UNC13C: variants seen among roughly 807,000 people sequenced by gnomAD.
The protein encoded by UNC13C is unc-13 homolog C.
Under a neutral mutation model 245.4 loss-of-function variants are expected in UNC13C, and 174 were observed. The ratio of observed to expected loss-of-function variants is 0.71; its 90% CI spans 0.63 to 0.80. The LOEUF (loss-of-function observed/expected upper bound fraction) is 0.80. Ranked by LOEUF, UNC13C falls within the 30% of genes least tolerant of loss-of-function variation. The pLI is 0.00. For synonymous variants in UNC13C, 992 were observed against 895.1 expected, an observed-to-expected ratio of 1.11 and a Z score of -1.93; for missense variants, 2,829 against 2,602.9, an observed-to-expected ratio of 1.09 and a Z score of -1.89.
intron 19 of UNC13C, among the ~76,000 whole-genome samples, chr15:54,455,165 C>CTCTCTCTCTCTCTCTCTCTCTA (rs1567288676): frequency 5.1e-3 from 53 of 10,296 alleles, no homozygotes; most frequent in Non-Finnish European, 7.7e-3. Flanking sequence ...AGTCATATTC[C>CTCTCTCTCTCTCTCTCTCTCTA]TCTCTCTCTC....
At chr15:54,101,583 TC>T (rs1172989970) in intron 2 of UNC13C, among the ~76,000 whole-genome samples, 2 of 150,886 alleles carry the variant, frequency 1.3e-5, no homozygotes, top group African/African-American at 4.9e-5. Flanking sequence ...CTCATTATCC[TC>T]CCCCTTTTTT....
At chr15:54,075,404 G>A (rs1461506313) in intron 2 of UNC13C, among the ~76,000 whole-genome samples, 2 of 150,886 alleles carry the variant, frequency 1.3e-5, no homozygotes, top group African/African-American at 4.9e-5. Flanking sequence ...AGAATGGCGT[G>A]AACCTGAAGG....
chr15:54,539,706 A>G lies in UNC13C; in HGVS notation c.5696+6640A>G, dbSNP rs1268430559. ...TTATTAGCAAAACTATTTGCTTTCT[A>G]TGTCCTGTGGCCAAGGTTGTGGAAC... On this transcript the variant is annotated intron_variant, in intron 26 of 32. Coordinates refer to ENST00000260323, the MANE Select transcript of UNC13C (RefSeq NM_001080534.3). Among the ~76,000 whole-genome samples the G allele has an allele frequency of 3.3e-5, 5 of 152,160 alleles. No individual in the cohort carries two copies. The East Asian group carries it at 7.7e-4, about 23-fold the overall frequency.
intron 4 of UNC13C, among the ~76,000 whole-genome samples, chr15:54,219,426 T>C (rs1192944769): frequency 1.3e-5 from 2 of 152,136 alleles, no homozygotes; most frequent in Non-Finnish European, 2.9e-5. Context: ...ATCCCTTTCT[T>C]ACACCTTCTA....
Position 54,332,171 on chromosome 15 carries a change from C to T in UNC13C, c.4494+60C>T, listed in dbSNP as rs543449509. 16 of 1,226,714 alleles carry T rather than the reference C, an allele frequency of 1.3e-5. No homozygotes were observed. In the Admixed American group the frequency reaches 4.4e-4, roughly 34 times the overall value. The allele number at this position is 1,226,714 out of a possible 1,614,324, so 76.0% of individuals were successfully genotyped here. On this transcript the variant is annotated intron_variant, in intron 15 of 32. Coordinates refer to ENST00000260323, the MANE Select transcript of UNC13C (RefSeq NM_001080534.3). Reference sequence around the variant, plus strand: ...TTGTTTGGTCTAGAGAATTTCTTGCCATATTGTAAAAATTACCCATCATGT... The same window carrying T: ...TTGTTTGGTCTAGAGAATTTCTTGCTATATTGTAAAAATTACCCATCATGT...
At chr15:54,010,860 G>C (rs1895352473) in intron 1 of UNC13C, among the ~76,000 whole-genome samples, 1 of 152,028 alleles carries the variant, frequency 6.6e-6, no homozygotes, top group African/African-American at 2.4e-5. Context: ...ATATGCTGTG[G>C]GCAAGTGGAT....
At chr15:54,057,031 G>A (rs895940344) in intron 2 of UNC13C, among the ~76,000 whole-genome samples, 2 of 152,048 alleles carry the variant, frequency 1.3e-5, no homozygotes, top group African/African-American at 4.8e-5. Context: ...GACCATCAAG[G>A]CTAGGAAGAA....
At chr15:54,451,768 T>C (rs1891189528) in intron 19 of UNC13C, among the ~76,000 whole-genome samples, 1 of 152,242 alleles carries the variant, frequency 6.6e-6, no homozygotes, top group African/African-American at 2.4e-5. Flanking sequence ...AAATTTCTTT[T>C]TCATTGGAAT....
chr15:54,191,840 A>G (rs1414176884), intron 4 of UNC13C, among the ~76,000 whole-genome samples: 1 of 152,048 alleles, frequency 6.6e-6, no homozygotes, highest in Non-Finnish European at 1.5e-5. Context: ...TTTTGGCTGC[A>G]TAAATGTCTT....
chr15:54,268,123 C>T (rs1007307849), intron 10 of UNC13C, among the ~76,000 whole-genome samples: 1 of 151,754 alleles, frequency 6.6e-6, no homozygotes, highest in Non-Finnish European at 1.5e-5. Flanking sequence ...TTGCGCCCCA[C>T]CCCCCAACTT....
chr15:53,987,983 G>A (rs1285052667), intron 1 of UNC13C, among the ~76,000 whole-genome samples: 2 of 151,972 alleles, frequency 1.3e-5, no homozygotes, highest in Non-Finnish European at 2.9e-5. Context: ...GACGAGATGG[G>A]TTTGTGTGAG....
chr15:54,584,833 G>T (rs1023727540), intron 30 of UNC13C, among the ~76,000 whole-genome samples: 1 of 152,154 alleles, frequency 6.6e-6, no homozygotes, highest in Non-Finnish European at 1.5e-5. Context: ...TTAGGTGACG[G>T]GTGAGACTTA....
At chr15:54,610,883 T>TTTTG (rs763084779) in intron 30 of UNC13C, among the ~76,000 whole-genome samples, 1 of 152,230 alleles carries the variant, frequency 6.6e-6, no homozygotes, top group African/African-American at 2.4e-5. Context: ...AATGACCAGT[T>TTTTG]TTTGTTTTTG....
intron 19 of UNC13C, among the ~76,000 whole-genome samples, chr15:54,439,123 G>A (rs923148955): frequency 6.6e-6 from 1 of 151,860 alleles, no homozygotes; most frequent in Non-Finnish European, 1.5e-5. Context: ...TTCTGCTGCT[G>A]TATAAAATCC....
At chr15:54,168,601 T>C (rs2033271936) in intron 4 of UNC13C, among the ~76,000 whole-genome samples, 1 of 152,196 alleles carries the variant, frequency 6.6e-6, no homozygotes, top group Non-Finnish European at 1.5e-5. Flanking sequence ...GGTCATTTTA[T>C]TCTTGGACAG....
chr15:54,560,162 G>A (rs972975951), intron 29 of UNC13C, among the ~76,000 whole-genome samples: 20 of 152,088 alleles, frequency 1.3e-4, no homozygotes, highest in South Asian at 4.1e-4. Context: ...TGGATTTGCC[G>A]AAAATATGAT....
chr15:54,138,953 A>ATTTTTTTT (rs56255946), intron 2 of UNC13C, among the ~76,000 whole-genome samples: 6,435 of 47,978 alleles, frequency 0.13, 2,018 homozygotes, highest in East Asian at 0.19. Flanking sequence ...ATTTCCCCTA[A>ATTTTTTTT]TTTTTTTTTT....
chr15:54,489,016 T>C (rs1893565366), intron 19 of UNC13C, among the ~76,000 whole-genome samples: 1 of 152,174 alleles, frequency 6.6e-6, no homozygotes, highest in Non-Finnish European at 1.5e-5. Context: ...TAATTTGAAC[T>C]ATATTTTTGA....
At chr15:54,002,693 A>T (rs1894952724) in intron 1 of UNC13C, among the ~76,000 whole-genome samples, 1 of 152,202 alleles carries the variant, frequency 6.6e-6, no homozygotes, top group Non-Finnish European at 1.5e-5. Context: ...ACAAATGTCA[A>T]AATTACTCAC....
Sources: gnomAD v4.1 joint callset for allele counts (sites outside exome capture counted in the v4.1 genomes callset) on GRCh38, gnomAD v4.1.1 for gene constraint, MANE v1.5 for transcripts, NCBI Gene and HGNC (gene_info 2026-07-23, HGNC 2026-07-21) for gene names.